ACSM6: variants seen among roughly 807,000 people sequenced by gnomAD.
ACSM6 encodes the protein acyl-coenzyme A synthetase ACSM6, mitochondrial.
In ACSM6, 35 loss-of-function variants were observed where a neutral mutation model predicts 51.1. The observed-to-expected ratio is 0.69, with a 90% CI of 0.52 to 0.91. The LOEUF (loss-of-function observed/expected upper bound fraction) is 0.91. Ranked by LOEUF, ACSM6 falls within the 40% of genes least tolerant of loss-of-function variation. The pLI, the probability that ACSM6 is intolerant of heterozygous loss-of-function variation, is 0.00. For synonymous variants in ACSM6, 172 were observed against 207.3 expected, an observed-to-expected ratio of 0.83 and a Z score of 1.46; for missense variants, 509 against 584.1, an observed-to-expected ratio of 0.87 and a Z score of 1.32.
At chr10:95,197,771 T>G (rs1446022232) in intron 2 of ACSM6, among the ~76,000 whole-genome samples, 1 of 152,180 alleles carries the variant, frequency 6.6e-6, no homozygotes, top group Non-Finnish European at 1.5e-5. Flanking sequence ...CACAGACCCT[T>G]TACGGGTGTC....
At chr10:95,215,808 C>T (rs766110154) in intron 8 of ACSM6, among the ~76,000 whole-genome samples, 30 of 152,252 alleles carry the variant, frequency 2.0e-4, no homozygotes, top group Non-Finnish European at 3.8e-4. Context: ...CCAGAAAGGC[C>T]GGGTTTTAGG....
intron 6 of ACSM6, 118 bp from the exon 7 acceptor site, chr10:95,212,740 C>G: frequency 2.7e-6 from 2 of 735,522 alleles, no homozygotes; most frequent in Non-Finnish European, 4.8e-6. Context: ...CATCCCCAAG[C>G]TGAGTTTCAA....
rs1337379177 is a variant in ACSM6, at chr10:95,219,389, A to C, written c.1120-502A>C. Among the ~76,000 whole-genome samples, 4 of 152,318 alleles carry C rather than the reference A, an allele frequency of 2.6e-5. No homozygotes were observed. The East Asian group carries it at 5.8e-4, about 22-fold the overall frequency. ...ATATTTAAAAAAAAGGCACTAAAAA[A>C]CAAACATATTCTCCAATTATACCTG... On this transcript the variant is annotated intron_variant, in intron 8 of 10. Transcript: ENST00000341686.
At chr10:95,226,249 T>C (rs2035037829) in intron 10 of ACSM6, 1 of 152,170 alleles carries the variant, frequency 6.6e-6, no homozygotes, top group South Asian at 2.1e-4. Flanking sequence ...CCATAGATGA[T>C]TCTTTTCTTT....
At chr10:95,204,060 G>A (rs1177371001) in intron 3 of ACSM6, among the ~76,000 whole-genome samples, 2 of 152,044 alleles carry the variant, frequency 1.3e-5, no homozygotes, top group African/African-American at 2.4e-5. Flanking sequence ...GTCTGAGAAA[G>A]GACAGGGACC....
chr10:95,227,847 C>G (rs2035054906), intron 10 of ACSM6, among the ~76,000 whole-genome samples: 1 of 152,198 alleles, frequency 6.6e-6, no homozygotes. Context: ...GCAGGCGGAT[C>G]ACCTGAGGTC....
intron 6 of ACSM6, 145 bp from the exon 7 acceptor site, chr10:95,212,713 G>A (rs925788511): frequency 3.1e-6 from 2 of 644,354 alleles, no homozygotes; most frequent in South Asian, 3.7e-5. Context: ...GAATCACTAA[G>A]TCTTTGAGAT....
chr10:95,224,368 T>C (rs778099414), intron 9 of ACSM6, among the ~76,000 whole-genome samples: 1 of 152,218 alleles, frequency 6.6e-6, no homozygotes, highest in Non-Finnish European at 1.5e-5. Context: ...TACTTCATGG[T>C]CATGCCTTCC....
intron 9 of ACSM6, 60 bp from the exon 10 acceptor site, chr10:95,225,230 T>C: frequency 8.2e-7 from 1 of 1,218,856 alleles, no homozygotes; most frequent in Non-Finnish European, 1.2e-6. Flanking sequence ...TCTTGTGGTG[T>C]TTTAGGAAGA....
At chr10:95,214,115 G>A (rs182207754) in intron 7 of ACSM6, among the ~76,000 whole-genome samples, 1 of 152,122 alleles carries the variant, frequency 6.6e-6, no homozygotes, top group African/African-American at 2.4e-5. Flanking sequence ...GGTATATTTG[G>A]GATTAATTCA....
At chr10:95,206,820 A>G (rs2034843286) in intron 3 of ACSM6, among the ~76,000 whole-genome samples, 1 of 152,196 alleles carries the variant, frequency 6.6e-6, no homozygotes, top group Non-Finnish European at 1.5e-5. Context: ...CTCCAGTGCA[A>G]ATCCAGAAAT....
intron 2 of ACSM6, among the ~76,000 whole-genome samples, chr10:95,200,615 GAGA>G (rs1554829171): frequency 2.7e-5 from 4 of 148,324 alleles, no homozygotes; most frequent in Admixed American, 1.3e-4. Flanking sequence ...GAAGGAGAAG[GAGA>G]AGAAGAAGAA....
chr10:95,212,582 G>C (rs1363966474), intron 6 of ACSM6, among the ~76,000 whole-genome samples: 1 of 152,126 alleles, frequency 6.6e-6, no homozygotes, highest in Non-Finnish European at 1.5e-5. Context: ...TCAAAACAAG[G>C]CTTCTTGGAT....
At chr10:95,225,800 C>T (rs1241328093) in intron 10 of ACSM6, 1 of 153,230 alleles carries the variant, frequency 6.5e-6, no homozygotes, top group East Asian at 1.9e-4. Flanking sequence ...TGTTTTATAC[C>T]TTTTGTAAAT....
exon 6 of ACSM6, chr10:95,211,879 C>A: frequency 6.3e-7 from 1 of 1,599,004 alleles, no homozygotes; most frequent in Non-Finnish European, 8.5e-7. Context: ...TCTCTTTAGA[C>A]GGTGGATGGA....
intron 9 of ACSM6, among the ~76,000 whole-genome samples, chr10:95,221,352 C>T (rs573013309): frequency 2.6e-5 from 4 of 152,174 alleles, no homozygotes; most frequent in East Asian, 1.9e-4. Context: ...TTTCGGAGGC[C>T]GAGGCCAGTG....
chr10:95,205,496 G>A (rs1338926802), intron 3 of ACSM6, among the ~76,000 whole-genome samples: 1 of 152,128 alleles, frequency 6.6e-6, no homozygotes, highest in Non-Finnish European at 1.5e-5. Context: ...TCCCATTCAT[G>A]AGACCTCCAC....
chr10:95,227,628 C>CT (rs1564593330), intron 10 of ACSM6, among the ~76,000 whole-genome samples: 1 of 152,184 alleles, frequency 6.6e-6, no homozygotes. Context: ...TCTCACATAC[C>CT]TACTGGGATT....
intron 5 of ACSM6, among the ~76,000 whole-genome samples, chr10:95,211,527 G>A (rs552275422): frequency 2.0e-5 from 3 of 152,268 alleles, no homozygotes; most frequent in South Asian, 2.1e-4. Flanking sequence ...AAGCAACAAC[G>A]GCCAGTAGAT....
Sources: allele counts gnomAD v4.1 joint callset (sites outside exome capture counted in the v4.1 genomes callset), GRCh38; gene constraint gnomAD v4.1.1; transcripts MANE v1.5; gene names NCBI Gene and HGNC (gene_info 2026-07-23, HGNC 2026-07-21).